AHCTF1: variants seen among roughly 807,000 people sequenced by gnomAD.
The protein encoded by AHCTF1 is AT-hook containing transcription factor 1.
AHCTF1 carries 24 observed loss-of-function variants against 248.4 expected under a neutral mutation model. The observed-to-expected ratio is 0.10, with a 90% CI of 0.07 to 0.14. The LOEUF is 0.14. Among genes scored for constraint, AHCTF1 ranks in the 10% least tolerant of loss-of-function variants. The pLI, the probability that AHCTF1 is intolerant of heterozygous loss-of-function variation, is 1.00. For synonymous variants in AHCTF1, 786 were observed against 929.8 expected (o/e 0.85, Z 2.81); for missense variants, 2,206 against 2,636.2 (o/e 0.84, Z 3.57).
intron 1 of AHCTF1, among the ~76,000 whole-genome samples, chr1:246,920,951 C>T (rs1666503736): frequency 6.7e-6 from 1 of 148,324 alleles, no homozygotes; most frequent in Admixed American, 6.7e-5. Context: ...AATCAGCTGG[C>T]CATGGTGGCG....
chr1:246,893,633 T>G (rs1207169295), intron 14 of AHCTF1, among the ~76,000 whole-genome samples: 1 of 152,206 alleles, frequency 6.6e-6, no homozygotes, highest in African/African-American at 2.4e-5. Flanking sequence ...GGAAAATGAT[T>G]TGCCACAATA....
At chr1:246,858,599 G>A (rs1298663538) in intron 29 of AHCTF1, among the ~76,000 whole-genome samples, 1 of 152,104 alleles carries the variant, frequency 6.6e-6, no homozygotes, top group East Asian at 1.9e-4. Context: ...GGAGGCTGAG[G>A]CAGGCAGATC....
intron 16 of AHCTF1, 124 bp downstream of exon 16, chr1:246,890,827 ATAAAT>A (rs1233532377): frequency 1.1e-5 from 6 of 542,710 alleles, no homozygotes; most frequent in Non-Finnish European, 1.5e-5. Flanking sequence ...AAGGTTAAGC[ATAAAT>A]TAAATTAAGG....
At chr1:246,842,798 A>G (rs1376161013) in intron 34 of AHCTF1, 22 bp from the exon 35 acceptor site, 1 of 1,593,630 alleles carries the variant, frequency 6.3e-7, no homozygotes, top group Non-Finnish European at 8.6e-7. Context: ...ACATTTTAAA[A>G]GGTTAAGTAT....
chr1:246,856,066 T>C (rs1269068384), intron 30 of AHCTF1, among the ~76,000 whole-genome samples: 1 of 152,220 alleles, frequency 6.6e-6, no homozygotes, highest in African/African-American at 2.4e-5. Context: ...GGCATGGCCT[T>C]AAAGTAGAAA....
intron 27 of AHCTF1, 50 bp from the exon 28 acceptor site, chr1:246,862,203 G>T (rs368123846): frequency 1.4e-6 from 2 of 1,458,014 alleles, no homozygotes; most frequent in Admixed American, 2.1e-5. Context: ...CTTATAGGCC[G>T]GGCGCGGTGG....
Position 246,876,175 on chromosome 1 carries a change from G to C in AHCTF1, c.2950C>G (p.Pro984Ala), listed in dbSNP as rs111561029. 4.4e-6 allele frequency: 7 copies of C among 1,592,670 alleles called. No individual in the cohort carries two copies. In the African/African-American group the frequency reaches 8.0e-5, roughly 18 times the overall value. The change falls in exon 24 of 36, where the codon CCT (proline) becomes GCT (alanine). Residue 984 changes from proline to alanine, a missense_variant. Pro to Ala is a conservative substitution (Grantham distance 27). This residue lies in a region of AHCTF1 where 955 missense variants were observed against 1,055.6 expected (regional missense o/e 0.90). Coordinates refer to ENST00000648844, the MANE Select transcript of AHCTF1 (RefSeq NM_001323342.2). ...LKINVMNDRD[P>A]RLRERSLARN... The stretch of plus-strand genomic sequence containing the variant: ...GCCAGTGATCTCTCCCGCAAACGAG[G>C]ATCACGATCATTCTATTAAACATCA...
intron 8 of AHCTF1, among the ~76,000 whole-genome samples, chr1:246,901,548 CCG>C (rs1664998235): frequency 6.6e-6 from 1 of 152,018 alleles, no homozygotes; most frequent in Admixed American, 6.6e-5. Context: ...GGCATGAACC[CCG>C]GAGGCGGAGC....
chr1:246,913,938 A>G (rs971934434), intron 3 of AHCTF1, among the ~76,000 whole-genome samples: 2 of 152,230 alleles, frequency 1.3e-5, no homozygotes, highest in Admixed American at 6.5e-5. Context: ...AAACAACAAA[A>G]AAGATATTTT....
chr1:246,904,525 T>C (rs951417215), intron 6 of AHCTF1, among the ~76,000 whole-genome samples: 1 of 152,136 alleles, frequency 6.6e-6, no homozygotes, highest in African/African-American at 2.4e-5. Flanking sequence ...CATCTTGCTA[T>C]TTTTACTTAA....
intron 13 of AHCTF1, 73 bp from the exon 14 acceptor site, chr1:246,894,821 A>C: frequency 6.8e-6 from 9 of 1,317,174 alleles, no homozygotes; most frequent in Non-Finnish European, 8.6e-6. Flanking sequence ...GTTGGTGGAG[A>C]AGCATGGCAG....
intron 33 of AHCTF1, among the ~76,000 whole-genome samples, chr1:246,847,434 T>G (rs1660361518): frequency 6.6e-6 from 1 of 152,222 alleles, no homozygotes; most frequent in Non-Finnish European, 1.5e-5. Flanking sequence ...CAGGAAAACG[T>G]GAATGGTGAT....
At position 246,855,011 on chromosome 1, in the gene AHCTF1, C is replaced by A. The variant is rs987345704; in HGVS notation, c.4354+719G>T. 2.6e-5 allele frequency among the ~76,000 whole-genome samples: 4 copies of A among 152,350 alleles called. No homozygotes were observed. The East Asian group carries it at 7.7e-4, about 29-fold the overall frequency. On this transcript the variant is annotated intron_variant, in intron 31 of 35. Transcript: ENST00000648844. The stretch of plus-strand genomic sequence containing the variant: ...TGGATTACTCCATAATCATGTATTA[C>A]CTTAATCATGGGACAAAAACTAGTC...
rs372902458 is a variant in AHCTF1 at position 246,916,296 on chromosome 1, T to C, written c.221A>G (p.Asn74Ser). ...RLSAYRFSGV[N>S]EQPPVVLAVK... ...AGCTAAAACTACAGGAGGCTGTTCA[T>C]TGACTCCACTGAATCTGTAAGCAGA... The change falls in exon 3 of 36, where the codon AAT (asparagine) becomes AGT (serine). Residue 74 changes from asparagine to serine, a missense_variant. Coordinates refer to ENST00000648844, the MANE Select transcript of AHCTF1 (RefSeq NM_001323342.2). 60 of 1,608,870 alleles carry C rather than the reference T, an allele frequency of 3.7e-5. No homozygotes were observed. The East Asian group carries it at 7.4e-4, about 20-fold the overall frequency.
intron 21 of AHCTF1, among the ~76,000 whole-genome samples, chr1:246,882,103 T>C (rs931949814): frequency 4.0e-5 from 6 of 151,408 alleles, no homozygotes; most frequent in African/African-American, 1.2e-4. Context: ...GTTCACGCCA[T>C]TCTCCTGCCT....
Position 246,916,571 on chromosome 1 carries a change from G to A in AHCTF1, c.122-176C>T, listed in dbSNP as rs537705094. ...ACAATAATAATAGTCATTCAGTGGC[G>A]TGAACCTGGGAGGTGGAGCTTGGAG... On this transcript the variant is annotated intron_variant, in intron 2 of 35. Coordinates refer to ENST00000648844, the MANE Select transcript of AHCTF1 (RefSeq NM_001323342.2). Among the ~76,000 whole-genome samples, 59 of 152,192 alleles carry A rather than the reference G, an allele frequency of 3.9e-4. 1 individual carries two copies. The South Asian group carries it at 6.6e-3, about 17-fold the overall frequency.
chr1:246,915,995 C>T (rs938733320), intron 3 of AHCTF1, 147 bp downstream of exon 3: 10 of 944,222 alleles, frequency 1.1e-5, no homozygotes, highest in Admixed American at 6.6e-5. Context: ...ATTCTAAACA[C>T]TTTACCTAAG....
chr1:246,842,858 G>T (rs5021094), intron 34 of AHCTF1, 82 bp from the exon 35 acceptor site: 689,646 of 1,211,984 alleles, frequency 0.57, 203,606 homozygotes, highest in African/African-American at 0.91. Context: ...AGGAATACTA[G>T]AGCCAAACAC....
chr1:246,905,235 C>T (rs1464033347), intron 6 of AHCTF1, among the ~76,000 whole-genome samples: 1 of 152,164 alleles, frequency 6.6e-6, no homozygotes, highest in African/African-American at 2.4e-5. Flanking sequence ...CGTGGTGACT[C>T]ACACCTGTAA....
Sources: allele counts gnomAD v4.1 joint callset (sites outside exome capture counted in the v4.1 genomes callset), GRCh38; gene constraint gnomAD v4.1.1; regional missense constraint gnomAD v4.1.1; transcripts MANE v1.5; gene names NCBI Gene and HGNC (gene_info 2026-07-23, HGNC 2026-07-21).